ROBO1: variants seen among roughly 807,000 people sequenced by gnomAD.
The protein encoded by ROBO1 is roundabout guidance receptor 1.
ROBO1 carries 149 observed loss-of-function variants against 195.9 expected under a neutral mutation model. That is an observed-to-expected ratio of 0.76 (90% confidence interval 0.67 to 0.87). The LOEUF (loss-of-function observed/expected upper bound fraction) is 0.87, where lower values mean the gene tolerates loss of function less well. ROBO1 is among the 40% of genes least tolerant of loss of function. ROBO1 has a pLI of 0.00. For missense variants in ROBO1, 1,933 were observed against 2,068.3 expected (o/e 0.93, Z 1.27); for synonymous variants, 816 against 733.2 (o/e 1.11, Z -1.82).
At chr3:79,261,818 C>A (rs906309896) in intron 2 of ROBO1, among the ~76,000 whole-genome samples, 1 of 151,922 alleles carries the variant, frequency 6.6e-6, no homozygotes, top group African/African-American at 2.4e-5. Flanking sequence ...CAATATGTTA[C>A]TGGATAAAGA....
At chr3:78,893,812 T>C (rs1439971418) in intron 4 of ROBO1, among the ~76,000 whole-genome samples, 10 of 152,140 alleles carry the variant, frequency 6.6e-5, no homozygotes, top group Admixed American at 5.2e-4. Context: ...TTATGATAGA[T>C]TTTCCTCTAG....
chr3:79,643,119 A>G (rs79351008), intron 1 of ROBO1, among the ~76,000 whole-genome samples: 2,424 of 152,176 alleles, frequency 0.016, 58 homozygotes, highest in African/African-American at 0.056. Flanking sequence ...AGAAGTTGGA[A>G]AGAGCAGACT....
intron 4 of ROBO1, among the ~76,000 whole-genome samples, chr3:78,777,278 T>C (rs2083534100): frequency 6.6e-6 from 1 of 152,188 alleles, no homozygotes; most frequent in Admixed American, 6.5e-5. Context: ...TCACAAACAT[T>C]AACTTCTGAT....
intron 2 of ROBO1, among the ~76,000 whole-genome samples, chr3:79,584,249 A>G (rs1337297224): frequency 1.1e-5 from 1 of 88,550 alleles, no homozygotes; most frequent in Non-Finnish European, 2.2e-5. Context: ...ACATAGGTAC[A>G]TGTAATATAT....
intron 8 of ROBO1, among the ~76,000 whole-genome samples, chr3:78,695,250 C>T (rs2081261525): frequency 6.6e-6 from 1 of 152,026 alleles, no homozygotes. Flanking sequence ...CACAAGTACC[C>T]TATAACTTAA....
chr3:79,601,204 G>A (rs952784888), intron 1 of ROBO1, among the ~76,000 whole-genome samples: 3 of 152,016 alleles, frequency 2.0e-5, no homozygotes, highest in East Asian at 1.9e-4. Flanking sequence ...AATTCTAAAC[G>A]AAAGCACCAA....
chr3:78,944,854 C>A (rs1274713991), intron 3 of ROBO1, among the ~76,000 whole-genome samples: 1 of 152,188 alleles, frequency 6.6e-6, no homozygotes, highest in Non-Finnish European at 1.5e-5. Context: ...AACGGCACAC[C>A]AGGAGATTAT....
chr3:78,868,607 C>G (rs1281769186), intron 4 of ROBO1, among the ~76,000 whole-genome samples: 2 of 152,080 alleles, frequency 1.3e-5, no homozygotes, highest in African/African-American at 2.4e-5. Flanking sequence ...AGAGACAAAA[C>G]TATAATTGAT....
At chr3:79,141,229 T>G (rs2080518180) in intron 2 of ROBO1, among the ~76,000 whole-genome samples, 1 of 152,106 alleles carries the variant, frequency 6.6e-6, no homozygotes, top group Admixed American at 6.6e-5. Context: ...CCTCCCCACC[T>G]GCCCTCCCTC....
chr3:79,580,816 G>A (rs183850517), intron 2 of ROBO1, among the ~76,000 whole-genome samples: 58 of 152,120 alleles, frequency 3.8e-4, no homozygotes, highest in African/African-American at 1.3e-3. Flanking sequence ...GTTACAATAC[G>A]TTTTTATATT....
At chr3:78,910,423 C>T (rs2038176073) in intron 4 of ROBO1, among the ~76,000 whole-genome samples, 1 of 151,832 alleles carries the variant, frequency 6.6e-6, no homozygotes, top group African/African-American at 2.4e-5. Context: ...TTTGTGGAAA[C>T]AGGAGAAAAC....
intron 4 of ROBO1, among the ~76,000 whole-genome samples, chr3:78,804,117 C>T (rs1189191019): frequency 6.6e-6 from 1 of 152,120 alleles, no homozygotes; most frequent in Non-Finnish European, 1.5e-5. Context: ...GCACTATGAA[C>T]TATGAAATAC....
intron 1 of ROBO1, among the ~76,000 whole-genome samples, chr3:79,761,298 C>T (rs902635024): frequency 4.0e-5 from 6 of 150,970 alleles, no homozygotes; most frequent in Non-Finnish European, 8.9e-5. Flanking sequence ...ACAATTTAGG[C>T]TAATATTTTA....
chr3:79,098,698 A>G (rs963876369), intron 3 of ROBO1, among the ~76,000 whole-genome samples: 2 of 151,902 alleles, frequency 1.3e-5, no homozygotes, highest in Admixed American at 6.6e-5. Flanking sequence ...GTTAATACAC[A>G]GTAAACCAGA....
intron 1 of ROBO1, among the ~76,000 whole-genome samples, chr3:79,660,217 T>C (rs957033081): frequency 1.4e-5 from 2 of 145,762 alleles, no homozygotes; most frequent in Non-Finnish European, 3.0e-5. Flanking sequence ...TGGGAACACA[T>C]ACTCTACCAC....
rs917433313 is a variant in ROBO1, at chr3:78,906,864, A to T, written c.499+31737T>A. Among the ~76,000 whole-genome samples the T allele has an allele frequency of 1.4e-4, 21 of 152,070 alleles. 1 individual carries two copies. The highest frequency in any genetic ancestry group is 4.8e-4 in the African/African-American group (20 of 41,518). On this transcript the variant is annotated intron_variant, in intron 4 of 30. Transcript: ENST00000464233. ...AATAACTGTATTTTCCAAGACATAA[A>T]TTTTTTGAAAAAAAAGACATTGTTT...
intron 4 of ROBO1, among the ~76,000 whole-genome samples, chr3:78,924,027 G>T (rs1236173412): frequency 1.4e-5 from 2 of 142,396 alleles, no homozygotes; most frequent in African/African-American, 5.2e-5. Flanking sequence ...TCCAACAAAA[G>T]AAAAAAAAAA....
intron 2 of ROBO1, among the ~76,000 whole-genome samples, chr3:79,300,184 G>T (rs1343020104): frequency 1.3e-5 from 2 of 152,196 alleles, no homozygotes; most frequent in African/African-American, 4.8e-5. Context: ...GGCCAAGGCC[G>T]AGCCGGCTCC....
chr3:79,669,913 G>A (rs1189418877), intron 1 of ROBO1, among the ~76,000 whole-genome samples: 1 of 151,770 alleles, frequency 6.6e-6, no homozygotes, highest in Non-Finnish European at 1.5e-5. Flanking sequence ...TATAATTTAC[G>A]GTTTTTGCAC....
Sources: allele counts gnomAD v4.1 joint callset (sites outside exome capture counted in the v4.1 genomes callset), GRCh38; gene constraint gnomAD v4.1.1; transcripts MANE v1.5; gene names NCBI Gene and HGNC (gene_info 2026-07-23, HGNC 2026-07-21).